The following NT5M variants were observed in gnomAD, a reference collection of about 807,000 sequenced individuals.
NT5M encodes 5',3'-nucleotidase, mitochondrial.
Under a neutral mutation model 22.2 loss-of-function variants are expected in NT5M, and 22 were observed. The ratio of observed to expected loss-of-function variants is 0.99; its 90% CI spans 0.71 to 1.41. The LOEUF (loss-of-function observed/expected upper bound fraction) is 1.41. Ranked by LOEUF, NT5M falls within the 40% of genes most tolerant of loss-of-function variation. NT5M has a pLI of 0.00. For synonymous variants in NT5M, 167 were observed against 133.0 expected (o/e 1.26, Z -1.76); for missense variants, 322 against 314.8 (o/e 1.02, Z -0.17).
chr17:17,332,326 A>C (rs934413816), intron 3 of NT5M, among the ~76,000 whole-genome samples: 2 of 152,136 alleles, frequency 1.3e-5, no homozygotes, highest in Non-Finnish European at 2.9e-5. Flanking sequence ...GAGAGCTGCC[A>C]GCCATCTGCC....
chr17:17,338,574 T>A (rs2142370100), intron 3 of NT5M, among the ~76,000 whole-genome samples: 1 of 152,248 alleles, frequency 6.6e-6, no homozygotes, highest in African/African-American at 2.4e-5. Context: ...AGCTTTGTAG[T>A]ATCATTTAAA....
intron 2 of NT5M, among the ~76,000 whole-genome samples, chr17:17,307,883 T>C (rs140992967): frequency 0.15 from 22,978 of 151,548 alleles, 2,022 homozygotes; most frequent in African/African-American, 0.23. Flanking sequence ...ACCCTGTCTC[T>C]ACTAAAAATA....
At position 17,327,714 on chromosome 17, in the gene NT5M, C is replaced by T. The variant is rs539592774; in HGVS notation, c.429+4469C>T. ...TGTATTTTTAGTAGAGACGGGGTTT[C>T]GCTATGTTGGTCAGGCTGGTCTCAA... On this transcript the variant is annotated intron_variant, in intron 3 of 4. Transcript: ENST00000389022. Among the ~76,000 whole-genome samples, 7 of 105,580 alleles carry T rather than the reference C, an allele frequency of 6.6e-5. 3 individuals carry two copies. Among genetic ancestry groups the T allele is most frequent in the South Asian group, 3.1e-4 (1 of 3,266 alleles). 69.3% of individuals were successfully genotyped at this position (105,580 alleles called of 152,430 possible). A position where few individuals can be genotyped will look rare whatever the true frequency, so the allele number is the denominator to read the frequency against.
At position 17,326,980 on chromosome 17, in the gene NT5M, C is replaced by T. The variant is rs142069262; in HGVS notation, c.429+3735C>T. Reference sequence around the variant, plus strand: ...AGGCTGGAGTGCAGTGGTGCGATCTCGGCTTACTGCAACATCCGCCTCCCA... The same window carrying T: ...AGGCTGGAGTGCAGTGGTGCGATCTTGGCTTACTGCAACATCCGCCTCCCA... On this transcript the variant is annotated intron_variant, in intron 3 of 4. Coordinates refer to ENST00000389022, the MANE Select transcript of NT5M (RefSeq NM_020201.4). Among the ~76,000 whole-genome samples the T allele has an allele frequency of 1.8e-3, 269 of 152,170 alleles. 2 individuals are homozygous for T. In the Middle Eastern group the frequency reaches 0.02, roughly 12 times the overall value.
At position 17,331,657 on chromosome 17, in the gene NT5M, C is replaced by T. The variant is rs1023026438; in HGVS notation, c.429+8412C>T. ...GTTGCCCAGGTGGATTCTAGTGGAACGATCATAGCTCACTGCAGCCTCTAA... is the reference window on the plus strand; with the variant it reads ...GTTGCCCAGGTGGATTCTAGTGGAATGATCATAGCTCACTGCAGCCTCTAA... On this transcript the variant is annotated intron_variant, in intron 3 of 4. Transcript: ENST00000389022. Among the ~76,000 whole-genome samples the T allele has an allele frequency of 1.6e-4, 24 of 151,340 alleles. 2 individuals carry two copies. Among genetic ancestry groups the T allele is most frequent in the African/African-American group, 2.7e-4 (11 of 40,816 alleles).
intron 2 of NT5M, among the ~76,000 whole-genome samples, chr17:17,315,724 T>C (rs931065866): frequency 2.7e-5 from 4 of 149,506 alleles, no homozygotes; most frequent in African/African-American, 9.9e-5. Context: ...TGAAGAGAGA[T>C]TGATGTGATC....
At position 17,312,528 on chromosome 17, in the gene NT5M, C is replaced by T. The variant is rs1006050665; in HGVS notation, c.368+5885C>T. On this transcript the variant is annotated intron_variant, in intron 2 of 4. Coordinates refer to ENST00000389022, the MANE Select transcript of NT5M (RefSeq NM_020201.4). ...GCATGGTGGTGCATGCCTGTAATCCCAGCTACTCGGGAGGCTGAGGCAGGA... is the reference window on the plus strand; with the variant it reads ...GCATGGTGGTGCATGCCTGTAATCCTAGCTACTCGGGAGGCTGAGGCAGGA... 2.6e-5 allele frequency among the ~76,000 whole-genome samples: 4 copies of T among 151,394 alleles called. No individual in the cohort carries two copies. In the East Asian group the frequency reaches 5.8e-4, roughly 22 times the overall value.
At chr17:17,326,766 A>T (rs1353269275) in intron 3 of NT5M, among the ~76,000 whole-genome samples, 1 of 152,174 alleles carries the variant, frequency 6.6e-6, no homozygotes, top group African/African-American at 2.4e-5. Flanking sequence ...AGGAGTTGAG[A>T]TGCTGTTGCC....
intron 3 of NT5M, among the ~76,000 whole-genome samples, chr17:17,327,987 T>A (rs1277394656): frequency 6.6e-6 from 1 of 152,178 alleles, no homozygotes; most frequent in South Asian, 2.1e-4. Flanking sequence ...AGACGTCTAG[T>A]GAGTAAGCCT....
At position 17,347,069 on chromosome 17, in the gene NT5M, G is replaced by T; in HGVS notation, c.*122G>T. ...AGACTCCTGGGCCCCATGACCTCCT[G>T]CTGCATGTCCCTTCCCTTCCCCAGC... On this transcript the variant is annotated 3_prime_UTR_variant, in exon 5 of 5. Transcript: ENST00000389022. The T allele has an allele frequency of 8.1e-7, 1 of 1,239,128 alleles. No homozygotes were observed. The highest frequency in any genetic ancestry group is 2.5e-5 in the East Asian group (1 of 39,616). The allele number at this position is 1,239,128 out of a possible 1,614,324, so 76.8% of individuals were successfully genotyped here.
chr17:17,308,931 T>TA (rs1254410940), intron 2 of NT5M, among the ~76,000 whole-genome samples: 3 of 152,194 alleles, frequency 2.0e-5, no homozygotes, highest in Admixed American at 1.3e-4. Flanking sequence ...TATCAATACT[T>TA]ACTATTTTTA....
At chr17:17,317,962 C>CAAAAAAAAA (rs35320589) in intron 2 of NT5M, among the ~76,000 whole-genome samples, 6 of 74,060 alleles carry the variant, frequency 8.1e-5, no homozygotes, top group Non-Finnish European at 9.3e-5. Context: ...ACTCCATGAT[C>CAAAAAAAAA]AAAAAAAAAA....
chr17:17,334,003 T>G (rs868814604), intron 3 of NT5M, among the ~76,000 whole-genome samples: 4 of 152,054 alleles, frequency 2.6e-5, no homozygotes, highest in Middle Eastern at 3.4e-3. Context: ...CTGGCTAATT[T>G]TTTGTATTTT....
chr17:17,317,546 G>C (rs1448133219), intron 2 of NT5M, among the ~76,000 whole-genome samples: 1 of 152,216 alleles, frequency 6.6e-6, no homozygotes, highest in Non-Finnish European at 1.5e-5. Context: ...AAGGGCAACA[G>C]AAGGCCGGAA....
intron 3 of NT5M, among the ~76,000 whole-genome samples, chr17:17,324,673 GA>G (rs111438159): frequency 3.4e-4 from 51 of 151,532 alleles, no homozygotes; most frequent in African/African-American, 1.2e-3. Context: ...CATCCCTCAT[GA>G]TTTTAGAGAG....
intron 3 of NT5M, among the ~76,000 whole-genome samples, chr17:17,333,926 C>T (rs542566640): frequency 4.6e-5 from 7 of 151,694 alleles, no homozygotes; most frequent in East Asian, 1.9e-4. Flanking sequence ...CTCCACCTCC[C>T]GGGTTCATGC....
At chr17:17,311,294 C>T (rs1002252762) in intron 2 of NT5M, among the ~76,000 whole-genome samples, 3 of 150,722 alleles carry the variant, frequency 2.0e-5, no homozygotes, top group African/African-American at 7.3e-5. Flanking sequence ...GCCAAGATTG[C>T]GCCACTGGAC....
rs779112263 is a variant in NT5M, at chr17:17,347,015, GCCA to G, written c.*69_*71del. On this transcript the variant is annotated 3_prime_UTR_variant, in exon 5 of 5. Transcript: ENST00000389022. ...GGGCTCCCAGCTCGGGGCCTGTGGG[GCCA>G]GTATGCTGGTCTGGGAGTCCCTCCT... is the stretch of plus-strand genomic sequence containing the variant. The G allele has an allele frequency of 1.9e-6, 3 of 1,574,080 alleles. No homozygotes were observed. The highest frequency in any genetic ancestry group is 1.3e-5 in the African/African-American group (1 of 74,310).
chr17:17,323,862 C>G (rs1399137996), intron 3 of NT5M, among the ~76,000 whole-genome samples: 2 of 152,106 alleles, frequency 1.3e-5, no homozygotes, highest in Non-Finnish European at 2.9e-5. Context: ...TTCACATGAC[C>G]TTTCCGCTCT....
Sources: allele counts gnomAD v4.1 joint callset (sites outside exome capture counted in the v4.1 genomes callset), GRCh38; gene constraint gnomAD v4.1.1; transcripts MANE v1.5; gene names NCBI Gene and HGNC (gene_info 2026-07-23, HGNC 2026-07-21).